The following DRC11 variants were observed in gnomAD, a reference collection of about 807,000 sequenced individuals.
The protein encoded by DRC11 is IQ and AAA domain-containing protein 1.
chr2:236,450,344 G>C, the DRC11 span, among the ~76,000 whole-genome samples: 1 of 134,404 alleles, frequency 7.4e-6, no homozygotes, highest in African/African-American at 2.8e-5. Flanking sequence ...TTTTGAGACG[G>C]GGTCTCGCTC....
chr2:236,341,999 C>T, the DRC11 span, among the ~76,000 whole-genome samples: 2 of 152,186 alleles, frequency 1.3e-5, no homozygotes, highest in East Asian at 1.9e-4. Context: ...TCCCTGCGCC[C>T]GGGAAGTTTG....
At chr2:236,345,142 A>G in the DRC11 span, among the ~76,000 whole-genome samples, 5 of 144,478 alleles carry the variant, frequency 3.5e-5, no homozygotes, top group South Asian at 2.2e-4. Context: ...CCCTGGTTGT[A>G]AATGCGCTTC....
chr2:236,320,232 C>T, the DRC11 span, among the ~76,000 whole-genome samples: 1 of 152,222 alleles, frequency 6.6e-6, no homozygotes, highest in Non-Finnish European at 1.5e-5. Context: ...GCTGGGGCGG[C>T]TGCCAGCTTG....
the DRC11 span, among the ~76,000 whole-genome samples, chr2:236,357,859 T>G: frequency 8.0e-6 from 1 of 125,056 alleles, no homozygotes; most frequent in Non-Finnish European, 1.6e-5. Context: ...TATAAATATA[T>G]ACTATATAAA....
the DRC11 span, among the ~76,000 whole-genome samples, chr2:236,488,820 G>A: frequency 6.6e-6 from 1 of 152,224 alleles, no homozygotes; most frequent in Non-Finnish European, 1.5e-5. Context: ...ATCTCACATG[G>A]TGTATGTGGA....
At chr2:236,456,333 C>T in the DRC11 span, among the ~76,000 whole-genome samples, 7 of 152,172 alleles carry the variant, frequency 4.6e-5, no homozygotes, top group East Asian at 5.8e-4. The surrounding 1 kb of genome is among the most constrained non-coding windows in gnomAD (Gnocchi z 5.4). Context: ...CTCAAGGTCA[C>T]GCAGCCCGCA....
chr2:236,418,232 T>C, the DRC11 span, among the ~76,000 whole-genome samples: 1 of 152,220 alleles, frequency 6.6e-6, no homozygotes, highest in Non-Finnish European at 1.5e-5. Flanking sequence ...CCTTGCCAGC[T>C]TCTGTTGTTT....
the DRC11 span, among the ~76,000 whole-genome samples, chr2:236,326,048 T>C: frequency 1.8e-4 from 28 of 152,256 alleles, no homozygotes; most frequent in African/African-American, 6.8e-4. Context: ...TAAAGAGATG[T>C]CTGATTTCCC....
the DRC11 span, among the ~76,000 whole-genome samples, chr2:236,357,667 CATAA>C: frequency 9.4e-5 from 8 of 84,756 alleles, no homozygotes; most frequent in East Asian, 2.4e-4. Flanking sequence ...ATTCATAATA[CATAA>C]ATATATATTT....
the DRC11 span, among the ~76,000 whole-genome samples, chr2:236,337,805 T>G: frequency 0.028 from 3,992 of 144,128 alleles, 194 homozygotes; most frequent in African/African-American, 0.099. This position sits in a 1 kb window ranked among gnomAD's most constrained non-coding sequence, Gnocchi z 4.9. Context: ...ACTTTGAGAC[T>G]GGAAGAAAAA....
At chr2:236,491,673 C>G in the DRC11 span, among the ~76,000 whole-genome samples, 1 of 152,108 alleles carries the variant, frequency 6.6e-6, no homozygotes, top group East Asian at 1.9e-4. Flanking sequence ...GTGCTTCGCT[C>G]TGACTGATGC....
chr2:236,465,547 T>A, the DRC11 span: 1 of 1,614,012 alleles, frequency 6.2e-7, no homozygotes, highest in Admixed American at 1.7e-5. This position sits in a 1 kb window ranked among gnomAD's most constrained non-coding sequence, Gnocchi z 6.2. Flanking sequence ...TTGAAGGTTC[T>A]CCTTGATATC....
At chr2:236,415,111 C>T in the DRC11 span, among the ~76,000 whole-genome samples, 1 of 151,990 alleles carries the variant, frequency 6.6e-6, no homozygotes, top group Non-Finnish European at 1.5e-5. This position sits in a 1 kb window ranked among gnomAD's most constrained non-coding sequence, Gnocchi z 5.7. Flanking sequence ...ACCTATTTTC[C>T]ATTTAAAGAG....
At chr2:236,489,731 T>A in the DRC11 span, among the ~76,000 whole-genome samples, 4 of 152,084 alleles carry the variant, frequency 2.6e-5, no homozygotes, top group African/African-American at 7.2e-5. Context: ...AAGACCAGGC[T>A]GGGCAAAGCG....
chr2:236,398,971 T>C, the DRC11 span, among the ~76,000 whole-genome samples: 1 of 152,090 alleles, frequency 6.6e-6, no homozygotes, highest in African/African-American at 2.4e-5. This position sits in a 1 kb window ranked among gnomAD's most constrained non-coding sequence, Gnocchi z 6.2. Context: ...ACCAATTGTA[T>C]GCTTAAGGCC....
At chr2:236,493,745 G>A in the DRC11 span, 28 of 1,555,630 alleles carry the variant, frequency 1.8e-5, no homozygotes, top group African/African-American at 3.4e-4. Flanking sequence ...ATGGATTAAT[G>A]TTTGTTAAAA....
chr2:236,409,134 T>A, the DRC11 span: 1 of 364,426 alleles, frequency 2.7e-6, no homozygotes, highest in Non-Finnish European at 5.0e-6. Context: ...TGAGACAGAG[T>A]CTCCCTCTGT....
At chr2:236,323,256 G>C in the DRC11 span, among the ~76,000 whole-genome samples, 1 of 152,198 alleles carries the variant, frequency 6.6e-6, no homozygotes, top group African/African-American at 2.4e-5. The surrounding 1 kb of genome is among the most constrained non-coding windows in gnomAD (Gnocchi z 6.4). Flanking sequence ...CTTGGAGACA[G>C]GAATGTCAAA....
the DRC11 span, among the ~76,000 whole-genome samples, chr2:236,349,955 G>A: frequency 6.6e-6 from 1 of 152,160 alleles, no homozygotes; most frequent in East Asian, 1.9e-4. The surrounding 1 kb of genome is among the most constrained non-coding windows in gnomAD (Gnocchi z 5.5). Context: ...ATCACTTCTC[G>A]CGATGTCCAC....
Sources: allele counts gnomAD v4.1 joint callset (sites outside exome capture counted in the v4.1 genomes callset), GRCh38; gene constraint gnomAD v4.1.1; non-coding constraint Gnocchi (gnomAD v3.1); transcripts MANE v1.5; gene names NCBI Gene and HGNC (gene_info 2026-07-23, HGNC 2026-07-21).